The following ADAMTSL1 variants were observed in gnomAD, a reference collection of about 807,000 sequenced individuals.
ADAMTSL1 encodes ADAMTS like 1.
A neutral mutation model predicts 201.8 loss-of-function variants in ADAMTSL1; 126 were observed. That is an observed-to-expected ratio of 0.62 (90% CI 0.54 to 0.72). The LOEUF (loss-of-function observed/expected upper bound fraction) is 0.72. ADAMTSL1 is among the 30% of genes least tolerant of loss of function. ADAMTSL1 has a pLI of 0.00. For synonymous variants in ADAMTSL1, 1,121 were observed against 903.4 expected (o/e 1.24, Z -4.32); for missense variants, 2,679 against 2,277.8 (o/e 1.18, Z -3.59).
chr9:18,014,370 T>TGGAAAAAACCAA (rs2131564517), intron 1 of ADAMTSL1, among the ~76,000 whole-genome samples: 1 of 152,204 alleles, frequency 6.6e-6, no homozygotes, highest in South Asian at 2.1e-4. Flanking sequence ...ATGGAAACCT[T>TGGAAAAAACCAA]GGTTATTTAG....
At chr9:18,522,812 C>T (rs1011438204) in intron 2 of ADAMTSL1, among the ~76,000 whole-genome samples, 16 of 152,080 alleles carry the variant, frequency 1.1e-4, no homozygotes, top group African/African-American at 2.9e-4. Flanking sequence ...GGTGTATATG[C>T]GCCACATTTT....
At position 18,615,902 on chromosome 9, in the gene ADAMTSL1, G is replaced by C. The variant is rs1199377461; in HGVS notation, c.475-6341G>C. Among the ~76,000 whole-genome samples, 2 of 152,188 alleles carry C rather than the reference G, an allele frequency of 1.3e-5. 1 individual carries two copies. The highest frequency in any genetic ancestry group is 4.8e-5 in the African/African-American group (2 of 41,436). On this transcript the variant is annotated intron_variant, in intron 4 of 28. Coordinates refer to ENST00000380548, the MANE Select transcript of ADAMTSL1 (RefSeq NM_001040272.6). The stretch of plus-strand genomic sequence containing the variant: ...GTAATATCTACTGTGGTCCTGGTAG[G>C]AGGTATAGCTGCACATGTGCCAGAA...
At chr9:18,365,147 A>G (rs1233980123) in intron 2 of ADAMTSL1, among the ~76,000 whole-genome samples, 2 of 152,168 alleles carry the variant, frequency 1.3e-5, no homozygotes, top group South Asian at 4.1e-4. Flanking sequence ...GCTCCAAACC[A>G]TAACCAACCT....
chr9:18,467,935 T>C (rs1821068301), intron 2 of ADAMTSL1, among the ~76,000 whole-genome samples: 2 of 152,208 alleles, frequency 1.3e-5, no homozygotes, highest in Non-Finnish European at 2.9e-5. Context: ...TCTGGTATAA[T>C]TGTTTTATCT....
chr9:18,364,650 T>C (rs34014393), intron 2 of ADAMTSL1, among the ~76,000 whole-genome samples: 7,192 of 78,698 alleles, frequency 0.091, 234 homozygotes, highest in Admixed American at 0.13. Flanking sequence ...ATTCTTGTAC[T>C]GCTATAAAGA....
intron 23 of ADAMTSL1, among the ~76,000 whole-genome samples, chr9:18,850,128 G>C (rs1185232803): frequency 6.6e-6 from 1 of 152,192 alleles, no homozygotes; most frequent in Non-Finnish European, 1.5e-5. Flanking sequence ...CCAGGCATGG[G>C]CTTATTTAAA....
At chr9:18,244,971 C>T in intron 2 of ADAMTSL1, among the ~76,000 whole-genome samples, 1 of 152,134 alleles carries the variant, frequency 6.6e-6, no homozygotes, top group Middle Eastern at 3.2e-3. Context: ...CAAACAACTA[C>T]TAAAAAGTAA....
At chr9:18,554,714 AT>A (rs35093359) in intron 3 of ADAMTSL1, among the ~76,000 whole-genome samples, 70 of 135,104 alleles carry the variant, frequency 5.2e-4, no homozygotes, top group Admixed American at 8.9e-4. Flanking sequence ...ATCTCATTTT[AT>A]TTTTTTTTTT....
chr9:18,021,078 A>G (rs1820462256), intron 1 of ADAMTSL1, among the ~76,000 whole-genome samples: 1 of 152,122 alleles, frequency 6.6e-6, no homozygotes, highest in Non-Finnish European at 1.5e-5. Flanking sequence ...CCTCAGGTGT[A>G]ATGAATCAGG....
At chr9:18,678,003 G>A (rs1587871336) in intron 10 of ADAMTSL1, among the ~76,000 whole-genome samples, 1 of 151,838 alleles carries the variant, frequency 6.6e-6, no homozygotes, top group African/African-American at 2.4e-5. Flanking sequence ...ATTTAAATGG[G>A]GTTAAGAACA....
At position 18,777,677 on chromosome 9, in the gene ADAMTSL1, A is replaced by AC; in HGVS notation, c.3450dup (p.Gly1151ArgfsTer53). On this transcript the variant is annotated frameshift_variant, in exon 19 of 29. Coordinates refer to ENST00000380548, the MANE Select transcript of ADAMTSL1 (RefSeq NM_001040272.6). LOFTEE classifies it high-confidence loss of function. Reference sequence around the variant, plus strand: ...CAGCAGCTCCCTGCGGACCTCCTCCACCGGGGACGCCGGGGGAGGCTCTCG... The same window carrying AC: ...CAGCAGCTCCCTGCGGACCTCCTCCACCCGGGGACGCCGGGGGAGGCTCTCG... The AC allele has an allele frequency of 2.5e-6, 4 of 1,613,466 alleles. No homozygotes were observed. Among genetic ancestry groups the AC allele is most frequent in the Non-Finnish European group, 2.5e-6 (3 of 1,179,770 alleles).
intron 2 of ADAMTSL1, among the ~76,000 whole-genome samples, chr9:18,527,913 T>C (rs1018548891): frequency 1.3e-5 from 2 of 152,224 alleles, no homozygotes; most frequent in African/African-American, 4.8e-5. Flanking sequence ...AGTCTTGCTC[T>C]GTCGCCCAGG....
chr9:18,748,175 G>T (rs1351168843), intron 15 of ADAMTSL1, among the ~76,000 whole-genome samples: 1 of 152,166 alleles, frequency 6.6e-6, no homozygotes, highest in Admixed American at 6.5e-5. Flanking sequence ...AAGCAGTATA[G>T]TAAAAGAATG....
At chr9:18,804,367 C>G (rs1376000294) in intron 20 of ADAMTSL1, among the ~76,000 whole-genome samples, 1 of 152,122 alleles carries the variant, frequency 6.6e-6, no homozygotes, top group Non-Finnish European at 1.5e-5. Flanking sequence ...GACTATTGGT[C>G]AAATGCTGAC....
At chr9:18,444,367 T>C (rs143944785) in intron 2 of ADAMTSL1, among the ~76,000 whole-genome samples, 233 of 152,288 alleles carry the variant, frequency 1.5e-3, no homozygotes, top group Middle Eastern at 3.4e-3. Flanking sequence ...AGAGACTAAA[T>C]AACTTGCCTA....
chr9:18,371,922 C>G (rs1837060053), intron 2 of ADAMTSL1, among the ~76,000 whole-genome samples: 1 of 152,150 alleles, frequency 6.6e-6, no homozygotes, highest in African/African-American at 2.4e-5. Context: ...TGCTTTCTCA[C>G]CATCAGGCAC....
intron 2 of ADAMTSL1, among the ~76,000 whole-genome samples, chr9:18,334,428 A>C (rs558941039): frequency 3.9e-5 from 6 of 152,202 alleles, no homozygotes; most frequent in Admixed American, 2.0e-4. Flanking sequence ...GTGAATTATG[A>C]AAAATTATAC....
At chr9:18,532,322 G>C (rs992946362) in intron 2 of ADAMTSL1, among the ~76,000 whole-genome samples, 1 of 152,054 alleles carries the variant, frequency 6.6e-6, no homozygotes, top group Non-Finnish European at 1.5e-5. Context: ...CCTTACAAAA[G>C]TTCATTCCCT....
At chr9:18,038,032 C>A (rs1004026570) in intron 1 of ADAMTSL1, among the ~76,000 whole-genome samples, 1 of 152,118 alleles carries the variant, frequency 6.6e-6, no homozygotes, top group Non-Finnish European at 1.5e-5. Context: ...TACGAGAAAT[C>A]AAAGAGCACT....
Sources: gnomAD v4.1 joint callset for allele counts (sites outside exome capture counted in the v4.1 genomes callset) on GRCh38, gnomAD v4.1.1 for gene constraint, MANE v1.5 for transcripts, NCBI Gene and HGNC (gene_info 2026-07-23, HGNC 2026-07-21) for gene names.